Variants in ELF2 observed in about 807,000 individuals in gnomAD.
ELF2 encodes ETS-related transcription factor Elf-2.
In ELF2, 11 loss-of-function variants were observed where a neutral mutation model predicts 54.8. The observed-to-expected ratio is 0.20, with a 90% confidence interval of 0.13 to 0.33. ELF2 has a LOEUF of 0.33. Ranked by LOEUF, ELF2 falls within the 10% of genes least tolerant of loss-of-function variation. The pLI, the probability that ELF2 is intolerant of heterozygous loss-of-function variation, is 1.00. For synonymous variants in ELF2, 203 were observed against 245.1 expected (o/e 0.83, Z 1.61); for missense variants, 513 against 703.0 (o/e 0.73, Z 3.06).
At chr4:139,149,294 C>T (rs1229752886) in intron 1 of ELF2, among the ~76,000 whole-genome samples, 1 of 152,192 alleles carries the variant, frequency 6.6e-6, no homozygotes, top group Admixed American at 6.5e-5. Flanking sequence ...TATAGGCCAG[C>T]AACAGAGTAT....
chr4:139,092,034 G>A (rs1303363626), intron 4 of ELF2, among the ~76,000 whole-genome samples: 2 of 148,812 alleles, frequency 1.3e-5, no homozygotes, highest in Non-Finnish European at 3.0e-5. Context: ...GAACAAAAAG[G>A]GGGAAATAAC....
chr4:139,156,733 G>A (rs999462271), intron 1 of ELF2, among the ~76,000 whole-genome samples: 5 of 151,744 alleles, frequency 3.3e-5, no homozygotes, highest in South Asian at 2.1e-4. Flanking sequence ...TCCACCTCAC[G>A]TGTTAAAGCA....
intron 4 of ELF2, among the ~76,000 whole-genome samples, chr4:139,108,269 G>A (rs1294662674): frequency 2.0e-5 from 3 of 152,252 alleles, no homozygotes; most frequent in South Asian, 4.1e-4. Context: ...GATAACTACT[G>A]TATTCTTCAT....
intron 4 of ELF2, among the ~76,000 whole-genome samples, chr4:139,104,508 C>CAAAA (rs34642901): frequency 1.0e-4 from 8 of 76,832 alleles, no homozygotes; most frequent in African/African-American, 3.7e-4. Flanking sequence ...GACTCTGTCT[C>CAAAA]AAAAAAAAAA....
intron 4 of ELF2, among the ~76,000 whole-genome samples, chr4:139,085,063 A>C (rs1445824204): frequency 1.3e-5 from 2 of 152,220 alleles, no homozygotes; most frequent in Non-Finnish European, 2.9e-5. Flanking sequence ...TGTTTGGCTC[A>C]CTTGGAAACA....
chr4:139,174,027 T>A (rs1301465519), intron 1 of ELF2, among the ~76,000 whole-genome samples: 8 of 145,860 alleles, frequency 5.5e-5, no homozygotes, highest in African/African-American at 1.8e-4. Flanking sequence ...ATCGAGACCA[T>A]CCTGGCTAAC....
intron 3 of ELF2, among the ~76,000 whole-genome samples, chr4:139,135,627 T>C (rs1020809622): frequency 1.3e-5 from 2 of 152,152 alleles, no homozygotes; most frequent in Non-Finnish European, 2.9e-5. Context: ...GATAGTTAAG[T>C]GGTGAATTAA....
intron 1 of ELF2, among the ~76,000 whole-genome samples, chr4:139,156,426 AC>A (rs958035811): frequency 1.3e-5 from 2 of 151,914 alleles, no homozygotes; most frequent in African/African-American, 4.8e-5. Flanking sequence ...TGATCCACCC[AC>A]CTTGGCCTCC....
intron 4 of ELF2, among the ~76,000 whole-genome samples, chr4:139,092,466 C>T (rs1578771366): frequency 6.7e-6 from 1 of 149,258 alleles, no homozygotes; most frequent in Non-Finnish European, 1.5e-5. Context: ...CATAACATAA[C>T]ATAACATAGG....
At chr4:139,172,713 T>C (rs1269352059) in intron 1 of ELF2, among the ~76,000 whole-genome samples, 3 of 152,184 alleles carry the variant, frequency 2.0e-5, no homozygotes, top group Non-Finnish European at 4.4e-5. Context: ...GTGAATAGCA[T>C]ATTGTTGTAA....
chr4:139,108,854 C>T (rs1019484191), intron 4 of ELF2, among the ~76,000 whole-genome samples: 11 of 152,146 alleles, frequency 7.2e-5, no homozygotes, highest in Admixed American at 4.6e-4. Context: ...AACAGAACAA[C>T]CTTCAAACTC....
rs534234938 is a variant in ELF2, at chr4:139,124,638, T to C, written c.238+526A>G. 3.3e-5 allele frequency among the ~76,000 whole-genome samples: 5 copies of C among 152,258 alleles called. No individual in the cohort carries two copies. In the East Asian group the frequency reaches 7.7e-4, roughly 23 times the overall value. On this transcript the variant is annotated intron_variant, in intron 4 of 9. Coordinates refer to ENST00000686138, the MANE Select transcript of ELF2 (RefSeq NM_001331036.3). Reference sequence around the variant, plus strand: ...AGATACTAATCTCCAATTAAACATATAGCTATCTCACCAGAAATAGACTGA... The same window carrying C: ...AGATACTAATCTCCAATTAAACATACAGCTATCTCACCAGAAATAGACTGA...
chr4:139,086,057 TA>T (rs540018178), intron 4 of ELF2, among the ~76,000 whole-genome samples: 4 of 152,158 alleles, frequency 2.6e-5, no homozygotes, highest in Admixed American at 2.6e-4. Flanking sequence ...TTAGAAGTTA[TA>T]AAAAAAGTTA....
chr4:139,135,763 C>G (rs1738087965), intron 3 of ELF2, among the ~76,000 whole-genome samples: 1 of 152,146 alleles, frequency 6.6e-6, no homozygotes, highest in Admixed American at 6.6e-5. Flanking sequence ...AGGATATAGT[C>G]TTCTTCTGAC....
At chr4:139,132,473 C>G (rs1334690367) in intron 3 of ELF2, among the ~76,000 whole-genome samples, 1 of 152,060 alleles carries the variant, frequency 6.6e-6, no homozygotes, top group East Asian at 1.9e-4. Context: ...ACACGCAGAC[C>G]TAGGCAACCA....
At chr4:139,177,416 C>T (rs575811409), upstream of ELF2, among the ~76,000 whole-genome samples, 1 of 151,938 alleles carries the variant, frequency 6.6e-6, no homozygotes, top group South Asian at 2.1e-4. Context: ...CTGTCAAACG[C>T]GGGCCGGCTA....
intron 5 of ELF2, 45 bp downstream of exon 5, chr4:139,073,409 G>T (rs1578701583): frequency 1.4e-6 from 2 of 1,381,272 alleles, no homozygotes; most frequent in African/African-American, 2.9e-5. Context: ...TTAGACATAT[G>T]AAGTAGTATG....
chr4:139,110,608 T>C (rs186654418), intron 4 of ELF2, among the ~76,000 whole-genome samples: 1 of 152,362 alleles, frequency 6.6e-6, no homozygotes, highest in East Asian at 1.9e-4. Context: ...GAATTCTCTT[T>C]ACAATATCCC....
At chr4:139,105,349 C>T (rs1463794384) in intron 4 of ELF2, among the ~76,000 whole-genome samples, 3 of 152,070 alleles carry the variant, frequency 2.0e-5, no homozygotes, top group Non-Finnish European at 2.9e-5. Context: ...ATTGTAGCCC[C>T]GTGCCTTAAA....
Sources: gnomAD v4.1 joint callset for allele counts (sites outside exome capture counted in the v4.1 genomes callset) on GRCh38, gnomAD v4.1.1 for gene constraint, MANE v1.5 for transcripts, NCBI Gene and HGNC (gene_info 2026-07-23, HGNC 2026-07-21) for gene names.